The following PCDH15 variants were observed in gnomAD, a reference collection of about 807,000 sequenced individuals.
PCDH15 encodes the protein protocadherin related 15.
In PCDH15, 129 loss-of-function variants were observed where a neutral mutation model predicts 178.5. That is an observed-to-expected ratio of 0.72 (90% confidence interval 0.63 to 0.84). PCDH15 has a LOEUF of 0.84. Ranked by LOEUF, PCDH15 falls within the 40% of genes least tolerant of loss-of-function variation. PCDH15 has a pLI of 0.00. For synonymous variants in PCDH15, 800 were observed against 732.0 expected (o/e 1.09, Z -1.50); for missense variants, 2,230 against 2,099.9 (o/e 1.06, Z -1.21).
intron 2 of PCDH15, among the ~76,000 whole-genome samples, chr10:55,379,123 T>C (rs921522595): frequency 3.3e-5 from 5 of 151,880 alleles, no homozygotes; most frequent in Non-Finnish European, 7.4e-5. Context: ...TATATATATA[T>C]GTATGTATGG....
intron 2 of PCDH15, among the ~76,000 whole-genome samples, chr10:54,596,914 G>T (rs758859485): frequency 6.6e-6 from 1 of 152,056 alleles, no homozygotes; most frequent in African/African-American, 2.4e-5. Flanking sequence ...ATATATACAT[G>T]CACCTAACAC....
intron 2 of PCDH15, among the ~76,000 whole-genome samples, chr10:55,589,927 T>TG (rs1194143668): frequency 6.8e-6 from 1 of 147,580 alleles, no homozygotes; most frequent in Non-Finnish European, 1.5e-5. Flanking sequence ...GATCTAGAAC[T>TG]AGAAATACCA....
chr10:54,662,901 C>T (rs1015758491), intron 2 of PCDH15, among the ~76,000 whole-genome samples: 4 of 151,810 alleles, frequency 2.6e-5, no homozygotes, highest in African/African-American at 9.7e-5. Context: ...TTCAAAATAG[C>T]AGTTATTTAT....
intron 3 of PCDH15, among the ~76,000 whole-genome samples, chr10:54,849,620 G>C (rs1953578767): frequency 6.6e-6 from 1 of 152,168 alleles, no homozygotes; most frequent in Admixed American, 6.5e-5. Context: ...TTATTGTTAT[G>C]ATGATGGGTG....
At chr10:55,513,743 A>G (rs1002125311) in intron 2 of PCDH15, among the ~76,000 whole-genome samples, 3 of 152,084 alleles carry the variant, frequency 2.0e-5, no homozygotes, top group African/African-American at 7.2e-5. Flanking sequence ...TATCCTTTTC[A>G]TATTTGTACA....
chr10:55,462,405 T>A (rs1227299361), intron 2 of PCDH15, among the ~76,000 whole-genome samples: 1 of 152,128 alleles, frequency 6.6e-6, no homozygotes, highest in Non-Finnish European at 1.5e-5. Flanking sequence ...TTCACTCATT[T>A]TAGAAAGTAA....
At chr10:55,172,569 T>TA (rs1839366518) in intron 1 of PCDH15, among the ~76,000 whole-genome samples, 1 of 152,004 alleles carries the variant, frequency 6.6e-6, no homozygotes, top group Admixed American at 6.6e-5. Flanking sequence ...ATTTTGAAAT[T>TA]TAAAAGGCCT....
In PCDH15 at chr10:55,481,440, A is replaced by G. The variant is rs115920194; in HGVS notation, c.-156+146185T>C. On this transcript the variant is annotated intron_variant, in intron 2 of 5. Transcript: ENST00000613346. ...GTTGCAATGTTGGGTTGCTGACTTG[A>G]TATCTTTCTAACTTTTTGATGTGGT... is the stretch of plus-strand genomic sequence containing the variant. 3.8e-3 allele frequency among the ~76,000 whole-genome samples: 579 copies of G among 151,438 alleles called. 8 individuals are homozygous for G. The highest frequency in any genetic ancestry group is 0.013 in the African/African-American group (546 of 41,400).
intron 2 of PCDH15, among the ~76,000 whole-genome samples, chr10:55,462,583 AG>A (rs140134833): frequency 0.039 from 5,923 of 152,238 alleles, 372 homozygotes; most frequent in African/African-American, 0.13. Context: ...ATGAATCCAA[AG>A]GAAATGTATG....
rs145411441 is a variant in PCDH15 at position 55,105,533 on chromosome 10, C to T, written c.-80+61043G>A. Among the ~76,000 whole-genome samples the T allele has an allele frequency of 1.3e-3, 192 of 152,144 alleles. 1 individual carries two copies. Among genetic ancestry groups the T allele is most frequent in the African/African-American group, 4.3e-3 (179 of 41,512 alleles). ...CTTTTGTCACAGGAACTTTTTTAAG[C>T]CCGATATTTTACGTTTATTTAATAT... is the stretch of plus-strand genomic sequence containing the variant. On this transcript the variant is annotated intron_variant, in intron 2 of 5. Transcript: ENST00000458638.
chr10:55,320,013 C>T (rs1843846827), upstream of PCDH15, among the ~76,000 whole-genome samples: 2 of 152,260 alleles, frequency 1.3e-5, no homozygotes, highest in Admixed American at 1.3e-4. Context: ...CCCAGGGCCC[C>T]AGCCTGGCCA....
intron 20 of PCDH15, among the ~76,000 whole-genome samples, chr10:53,999,191 T>C (rs2092002865): frequency 6.6e-6 from 1 of 152,146 alleles, no homozygotes; most frequent in Non-Finnish European, 1.5e-5. Context: ...TGTCTTATGG[T>C]CTAGCATTAG....
intron 13 of PCDH15, among the ~76,000 whole-genome samples, chr10:54,160,161 G>C (rs1242600498): frequency 6.6e-6 from 1 of 151,954 alleles, no homozygotes; most frequent in Non-Finnish European, 1.5e-5. Flanking sequence ...GGAGATGCTG[G>C]ACAAAAGGAT....
chr10:53,923,158 A>T (rs903376100), intron 25 of PCDH15, among the ~76,000 whole-genome samples: 1 of 152,212 alleles, frequency 6.6e-6, no homozygotes, highest in Middle Eastern at 3.2e-3. Flanking sequence ...TGGCAAGCAT[A>T]TGCTGTAAGT....
intron 3 of PCDH15, among the ~76,000 whole-genome samples, chr10:54,386,815 C>A (rs1334217925): frequency 6.6e-6 from 1 of 152,054 alleles, no homozygotes; most frequent in East Asian, 1.9e-4. Context: ...TAAAAAATAG[C>A]AAGTGTTGGC....
chr10:53,988,063 T>G (rs1344471680), intron 21 of PCDH15, among the ~76,000 whole-genome samples: 2 of 152,214 alleles, frequency 1.3e-5, no homozygotes, highest in Non-Finnish European at 2.9e-5. Flanking sequence ...TCTGATATTT[T>G]CTGCCCGATC....
chr10:54,963,700 CA>C (rs1183271329), intron 2 of PCDH15, among the ~76,000 whole-genome samples: 2 of 152,184 alleles, frequency 1.3e-5, no homozygotes, highest in East Asian at 3.9e-4. Context: ...CTCCCCTTTT[CA>C]ACTTAATTCT....
At chr10:54,763,909 C>T (rs1404506723) in intron 1 of PCDH15, among the ~76,000 whole-genome samples, 7 of 150,948 alleles carry the variant, frequency 4.6e-5, no homozygotes, top group Non-Finnish European at 1.0e-4. Context: ...GAGAAATCTG[C>T]AGATTTCCTA....
chr10:53,817,446 C>A (rs2076099210), intron 34 of PCDH15, among the ~76,000 whole-genome samples: 7 of 151,500 alleles, frequency 4.6e-5, no homozygotes, highest in Admixed American at 4.6e-4. Context: ...TAGGATGGCG[C>A]CTTGAACTGG....
Sources: gnomAD v4.1 joint callset for allele counts (sites outside exome capture counted in the v4.1 genomes callset) on GRCh38, gnomAD v4.1.1 for gene constraint, MANE v1.5 for transcripts, NCBI Gene and HGNC (gene_info 2026-07-23, HGNC 2026-07-21) for gene names.